Variants in TTC28 observed in about 807,000 individuals in gnomAD.
The protein encoded by TTC28 is tetratricopeptide repeat protein 28.
In TTC28, 61 loss-of-function variants were observed where a neutral mutation model predicts 198.0. The observed-to-expected ratio is 0.31, with a 90% CI of 0.25 to 0.38. The LOEUF (loss-of-function observed/expected upper bound fraction) is 0.38. TTC28 is among the 10% of genes least tolerant of loss of function. TTC28 has a pLI of 1.00. For missense variants in TTC28, 2,678 were observed against 3,164.0 expected (o/e 0.85, Z 3.69); for synonymous variants, 1,171 against 1,297.8 (o/e 0.90, Z 2.10).
At chr22:28,472,625 C>G (rs1264387008) in intron 2 of TTC28, among the ~76,000 whole-genome samples, 1 of 147,838 alleles carries the variant, frequency 6.8e-6, no homozygotes, top group East Asian at 2.0e-4. Context: ...GAAACTGCAA[C>G]CGTAAAATAA....
At chr22:28,648,202 C>T (rs912958784) in intron 1 of TTC28, among the ~76,000 whole-genome samples, 2 of 137,624 alleles carry the variant, frequency 1.5e-5, no homozygotes, top group South Asian at 2.3e-4. Flanking sequence ...CCAGCCTGGG[C>T]GACCAAACGA....
intron 2 of TTC28, among the ~76,000 whole-genome samples, chr22:28,361,239 A>C (rs1413185420): frequency 1.3e-5 from 2 of 152,226 alleles, no homozygotes; most frequent in Non-Finnish European, 2.9e-5. Flanking sequence ...AAGCCAAGAC[A>C]GGCTAAAAGC....
chr22:28,349,774 T>G (rs1016188184), intron 2 of TTC28, among the ~76,000 whole-genome samples: 4 of 152,250 alleles, frequency 2.6e-5, no homozygotes, highest in Non-Finnish European at 5.9e-5. Context: ...TTTGTGATTA[T>G]GTATTGGGGC....
intron 2 of TTC28, among the ~76,000 whole-genome samples, chr22:28,451,656 T>C (rs561902987): frequency 1.8e-4 from 28 of 152,338 alleles, no homozygotes; most frequent in Admixed American, 6.5e-4. Flanking sequence ...CATGAACCTA[T>C]CAACAATGTT....
Position 28,364,484 on chromosome 22 carries a change from T to C in TTC28, c.382-57841A>G, listed in dbSNP as rs143057269. Among the ~76,000 whole-genome samples, 45 of 152,318 alleles carry C rather than the reference T, an allele frequency of 3.0e-4. 1 individual carries two copies. Among genetic ancestry groups the C allele is most frequent in the African/African-American group, 1.0e-3 (43 of 41,570 alleles). On this transcript the variant is annotated intron_variant, in intron 2 of 22. Coordinates refer to ENST00000397906, the MANE Select transcript of TTC28 (RefSeq NM_001145418.2). Reference sequence around the variant, plus strand: ...ATTTAAAAAATACATTTTGTGAGGTTATAGTTGCCATAGATAGTGATTCCT... The same window carrying C: ...ATTTAAAAAATACATTTTGTGAGGTCATAGTTGCCATAGATAGTGATTCCT...
chr22:28,070,249 C>A (rs909567273), intron 12 of TTC28, among the ~76,000 whole-genome samples: 3 of 152,102 alleles, frequency 2.0e-5, no homozygotes, highest in Non-Finnish European at 2.9e-5. Context: ...AATCTCTGCC[C>A]TCAATGGGCC....
chr22:28,399,502 A>G (rs2046871315), intron 2 of TTC28, among the ~76,000 whole-genome samples: 1 of 151,670 alleles, frequency 6.6e-6, no homozygotes, highest in African/African-American at 2.4e-5. Context: ...TTTTCAGTAG[A>G]AACGAGGTGC....
At chr22:28,601,775 T>TACACACACAC (rs1555900044) in intron 2 of TTC28, among the ~76,000 whole-genome samples, 1 of 63,250 alleles carries the variant, frequency 1.6e-5, no homozygotes, top group East Asian at 3.8e-4. Context: ...GAGTAAACCC[T>TACACACACAC]AGACACACAC....
chr22:28,526,405 T>C (rs2049004724), intron 2 of TTC28, among the ~76,000 whole-genome samples: 3 of 152,134 alleles, frequency 2.0e-5, no homozygotes, highest in Admixed American at 6.6e-5. Context: ...CTGAACAAAG[T>C]ATTAAAAAAT....
intron 6 of TTC28, among the ~76,000 whole-genome samples, chr22:28,123,632 T>C (rs1942845365): frequency 6.6e-6 from 1 of 152,250 alleles, no homozygotes; most frequent in South Asian, 2.1e-4. Flanking sequence ...ATCTTCCTTC[T>C]ATCATCCATC....
chr22:28,417,231 A>G (rs533247710), intron 2 of TTC28, among the ~76,000 whole-genome samples: 94 of 150,768 alleles, frequency 6.2e-4, no homozygotes, highest in Non-Finnish European at 1.2e-3. Context: ...TGAGAGGCCA[A>G]AGTGGGAGGA....
At chr22:28,527,389 C>G (rs529242850) in intron 2 of TTC28, among the ~76,000 whole-genome samples, 1 of 152,326 alleles carries the variant, frequency 6.6e-6, no homozygotes, top group South Asian at 2.1e-4. Context: ...TTCCTCTGCA[C>G]TCCCATGTCA....
At chr22:28,111,739 C>A (rs887301441) in intron 6 of TTC28, among the ~76,000 whole-genome samples, 1 of 151,994 alleles carries the variant, frequency 6.6e-6, no homozygotes, top group Non-Finnish European at 1.5e-5. Flanking sequence ...TTTTCCCTCA[C>A]AGCTTTTGGA....
chr22:28,110,457 G>A (rs1942450969), intron 6 of TTC28, among the ~76,000 whole-genome samples: 1 of 152,200 alleles, frequency 6.6e-6, no homozygotes, highest in African/African-American at 2.4e-5. Context: ...AAACTGCAGA[G>A]TGAAATTGCA....
chr22:28,478,441 G>A lies in TTC28; in HGVS notation c.381+151111C>T, dbSNP rs548379299. On this transcript the variant is annotated intron_variant, in intron 2 of 22. Transcript: ENST00000397906. ...GGAGAATCACTTGAACCTGGGAAGT[G>A]GAGGTTGCAGTGAGCCGAGATCGCA... Among the ~76,000 whole-genome samples the A allele has an allele frequency of 2.0e-5, 3 of 152,248 alleles. No individual in the cohort carries two copies. The East Asian group carries it at 5.8e-4, about 29-fold the overall frequency.
chr22:28,551,355 G>A (rs2049668061), intron 2 of TTC28, among the ~76,000 whole-genome samples: 1 of 152,094 alleles, frequency 6.6e-6, no homozygotes, highest in Admixed American at 6.5e-5. Flanking sequence ...TAGAGAAAGA[G>A]GGAATCCTTC....
intron 2 of TTC28, among the ~76,000 whole-genome samples, chr22:28,615,422 C>T (rs955261101): frequency 5.3e-5 from 8 of 152,236 alleles, no homozygotes; most frequent in Middle Eastern, 3.4e-3. Context: ...CTAGAAATAC[C>T]GTTTGACCCA....
At chr22:28,484,092 T>C (rs1262729577) in intron 2 of TTC28, among the ~76,000 whole-genome samples, 1 of 152,138 alleles carries the variant, frequency 6.6e-6, no homozygotes, top group Non-Finnish European at 1.5e-5. Flanking sequence ...TTTTATTTTT[T>C]TATTTTGGGG....
At chr22:28,587,445 C>A (rs1416024686) in intron 2 of TTC28, among the ~76,000 whole-genome samples, 1 of 152,008 alleles carries the variant, frequency 6.6e-6, no homozygotes, top group Non-Finnish European at 1.5e-5. Context: ...TTTATACAGG[C>A]CTTTCAGATC....
Sources: allele counts gnomAD v4.1 joint callset (sites outside exome capture counted in the v4.1 genomes callset), GRCh38; gene constraint gnomAD v4.1.1; transcripts MANE v1.5; gene names NCBI Gene and HGNC (gene_info 2026-07-23, HGNC 2026-07-21).